CSMD1: variants seen among roughly 807,000 people sequenced by gnomAD.
The protein encoded by CSMD1 is CUB and Sushi multiple domains 1.
In CSMD1, 213 loss-of-function variants were observed where a neutral mutation model predicts 417.5. The observed-to-expected ratio is 0.51, with a 90% confidence interval of 0.46 to 0.57. CSMD1 has a LOEUF of 0.57. Among genes scored for constraint, CSMD1 ranks in the 20% least tolerant of loss-of-function variants. CSMD1 has a pLI of 0.00. For missense variants in CSMD1, 6,923 were observed against 4,529.7 expected, an observed-to-expected ratio of 1.53 and a Z score of -15.17; for synonymous variants, 2,862 against 1,736.8, an observed-to-expected ratio of 1.65 and a Z score of -16.11.
intron 53 of CSMD1, 53 bp from the exon 54 acceptor site, chr8:2,998,237 T>C: frequency 6.4e-7 from 1 of 1,558,586 alleles, no homozygotes; most frequent in Non-Finnish European, 8.8e-7. Context: ...GTCATCACTT[T>C]CCCTTGGGAT....
intron 46 of CSMD1, among the ~76,000 whole-genome samples, chr8:3,100,195 G>A (rs1379232382): frequency 6.6e-6 from 1 of 152,022 alleles, no homozygotes; most frequent in African/African-American, 2.4e-5. Context: ...GGGACTACAG[G>A]CGCACACCAC....
intron 3 of CSMD1, among the ~76,000 whole-genome samples, chr8:4,047,171 T>C (rs1013258243): frequency 2.0e-5 from 3 of 152,226 alleles, no homozygotes; most frequent in Non-Finnish European, 4.4e-5. Flanking sequence ...CTGACCTATC[T>C]GACCTGTGCT....
chr8:4,917,860 C>G (rs1806176963), intron 1 of CSMD1, among the ~76,000 whole-genome samples: 2 of 152,086 alleles, frequency 1.3e-5, no homozygotes, highest in Admixed American at 1.3e-4. Context: ...AAGACTGTAA[C>G]ATTTGAGATG....
chr8:4,192,311 A>G (rs528303635), intron 3 of CSMD1, among the ~76,000 whole-genome samples: 2 of 152,340 alleles, frequency 1.3e-5, no homozygotes, highest in South Asian at 2.1e-4. Flanking sequence ...ATGCAATTAC[A>G]TTGTCCCATC....
At chr8:4,450,903 AAAATT>A (rs1799103765) in intron 2 of CSMD1, among the ~76,000 whole-genome samples, 2 of 152,226 alleles carry the variant, frequency 1.3e-5, no homozygotes, top group Non-Finnish European at 2.9e-5. Context: ...TATAAAAATT[AAAATT>A]AAATCATGGA....
intron 1 of CSMD1, among the ~76,000 whole-genome samples, chr8:4,640,508 C>G (rs902194811): frequency 6.6e-6 from 1 of 152,154 alleles, no homozygotes; most frequent in Non-Finnish European, 1.5e-5. Context: ...TGGTAGTCCT[C>G]TTTTCTCTTG....
intron 5 of CSMD1, among the ~76,000 whole-genome samples, chr8:3,966,026 C>T (rs943333565): frequency 6.6e-6 from 1 of 152,092 alleles, no homozygotes; most frequent in East Asian, 1.9e-4. Context: ...TAGAAAGAAG[C>T]AGAAGACACT....
intron 3 of CSMD1, among the ~76,000 whole-genome samples, chr8:4,060,666 C>T (rs1261846294): frequency 4.6e-5 from 7 of 152,160 alleles, no homozygotes; most frequent in Admixed American, 3.9e-4. Context: ...CGGCACCTGG[C>T]ATGAACATAG....
intron 3 of CSMD1, among the ~76,000 whole-genome samples, chr8:4,071,639 G>T (rs990708744): frequency 1.3e-5 from 2 of 152,104 alleles, no homozygotes; most frequent in Admixed American, 6.5e-5. Flanking sequence ...TTTTAAACTA[G>T]CTGAAATATG....
At chr8:3,689,760 G>T (rs1350695528) in intron 7 of CSMD1, among the ~76,000 whole-genome samples, 4 of 152,104 alleles carry the variant, frequency 2.6e-5, no homozygotes, top group African/African-American at 9.7e-5. Context: ...ATAAAGCAGA[G>T]GCCCAGAGTT....
At chr8:4,972,800 G>A (rs972787913) in intron 1 of CSMD1, among the ~76,000 whole-genome samples, 1 of 151,838 alleles carries the variant, frequency 6.6e-6, no homozygotes, top group African/African-American at 2.4e-5. Context: ...GGAGCTAGGT[G>A]TTGTCTTGTT....
intron 2 of CSMD1, among the ~76,000 whole-genome samples, chr8:4,470,947 T>C (rs552433600): frequency 2.0e-5 from 3 of 152,226 alleles, no homozygotes; most frequent in Non-Finnish European, 4.4e-5. Context: ...GGGATTTCCC[T>C]CAAGTGACAT....
chr8:4,869,062 T>C (rs1802582866), intron 1 of CSMD1, among the ~76,000 whole-genome samples: 2 of 152,008 alleles, frequency 1.3e-5, no homozygotes, highest in African/African-American at 2.4e-5. Flanking sequence ...TTATCATCAG[T>C]TTCCAGTTGA....
At chr8:4,856,572 T>C (rs952328360) in intron 1 of CSMD1, among the ~76,000 whole-genome samples, 3 of 140,706 alleles carry the variant, frequency 2.1e-5, no homozygotes, top group Admixed American at 1.4e-4. Flanking sequence ...TGGAGGAAGA[T>C]CTACCAAGCC....
In CSMD1 at chr8:4,590,198, G is replaced by C. The variant is rs141032581; in HGVS notation, c.302+47144C>G. ...TTTTTTTTTCTTTTAGATGAGACCA[G>C]GATAACTCATCTGTGGTATGTGTTA... On this transcript the variant is annotated intron_variant, in intron 2 of 69. Coordinates refer to ENST00000635120, the MANE Select transcript of CSMD1 (RefSeq NM_033225.6). Among the ~76,000 whole-genome samples the C allele has an allele frequency of 5.4e-3, 827 of 151,844 alleles. 10 individuals carry two copies. Among genetic ancestry groups the C allele is most frequent in the African/African-American group, 0.019 (791 of 41,382 alleles).
chr8:3,789,763 C>G (rs1236079784), intron 5 of CSMD1, among the ~76,000 whole-genome samples: 1 of 133,778 alleles, frequency 7.5e-6, no homozygotes, highest in Non-Finnish European at 1.5e-5. Context: ...CACAGTTTCA[C>G]TCTGTCTCCG....
Position 3,107,790 on chromosome 8 carries a change from G to A in CSMD1, c.6763C>T (p.Leu2255Phe), listed in dbSNP as rs1161594855. The change falls in exon 45 of 70, where the codon CTC becomes TTC. Residue 2255 changes from leucine (L) to phenylalanine (F), a missense_variant. By Grantham distance (22) the Leu-to-Phe change is conservative (BLOSUM62 0). Coordinates refer to ENST00000635120, the MANE Select transcript of CSMD1 (RefSeq NM_033225.6). The stretch of plus-strand genomic sequence containing the variant: ...GCTGGGGGAGGTTGACATTTCTTGA[G>A]CTGAAATGCTAAATGATTAATGGAA... ...FFVLNFHAFQLKKCQPPPAVP... is the reference protein window; with the variant it reads ...FFVLNFHAFQFKKCQPPPAVP... The A allele has an allele frequency of 5.1e-6, 8 of 1,574,640 alleles. No homozygotes were observed. The highest frequency in any genetic ancestry group is 6.9e-6 in the Non-Finnish European group (8 of 1,162,696).
chr8:4,474,264 T>C (rs930897815), intron 2 of CSMD1, among the ~76,000 whole-genome samples: 1 of 152,162 alleles, frequency 6.6e-6, no homozygotes, highest in Admixed American at 6.5e-5. Context: ...ATTATGTTTA[T>C]GTTTATAAAT....
rs191234503 is a variant in CSMD1 at position 4,512,485 on chromosome 8, G to C, written c.303-92420C>G. On this transcript the variant is annotated intron_variant, in intron 2 of 69. Transcript: ENST00000635120. ...ACAGATAGAGAAGGAAGAAATAAAA[G>C]TTGTTTATTCCCTGCAGGTGACACA... is the stretch of plus-strand genomic sequence containing the variant. Among the ~76,000 whole-genome samples, 106 of 152,202 alleles carry C rather than the reference G, an allele frequency of 7.0e-4. 1 individual carries two copies. In the East Asian group the frequency reaches 0.019, roughly 27 times the overall value.
Sources: gnomAD v4.1 joint callset for allele counts (sites outside exome capture counted in the v4.1 genomes callset) on GRCh38, gnomAD v4.1.1 for gene constraint, MANE v1.5 for transcripts, NCBI Gene and HGNC (gene_info 2026-07-23, HGNC 2026-07-21) for gene names.